The following CLYBL variants were observed in gnomAD, a reference collection of about 807,000 sequenced individuals.
CLYBL encodes citramalyl-CoA lyase, mitochondrial.
In CLYBL, 31 loss-of-function variants were observed where a neutral mutation model predicts 38.9. The ratio of observed to expected loss-of-function variants is 0.80; its 90% CI spans 0.60 to 1.08. The LOEUF is 1.08. CLYBL is among the 50% of genes least tolerant of loss of function. The probability of loss-of-function intolerance (pLI) is 0.00; values close to 1 mark genes in which losing one functional copy is unlikely to be tolerated. For missense variants in CLYBL, 434 were observed against 411.6 expected (o/e 1.05, Z -0.47); for synonymous variants, 171 against 158.6 (o/e 1.08, Z -0.59).
At chr13:99,746,510 C>T (rs548863747) in intron 1 of CLYBL, among the ~76,000 whole-genome samples, 1 of 152,226 alleles carries the variant, frequency 6.6e-6, no homozygotes, top group African/African-American at 2.4e-5. Flanking sequence ...ATTGTCTTTT[C>T]TGCACCTGTT....
At position 99,869,112 on chromosome 13, in the gene CLYBL, G is replaced by T. The variant is rs150100473; in HGVS notation, c.803-1826G>T. On this transcript the variant is annotated intron_variant, in intron 6 of 8. Coordinates refer to ENST00000339105, the MANE Select transcript of CLYBL (RefSeq NM_206808.5). This position sits in a 1 kb window ranked among gnomAD's most constrained non-coding sequence, Gnocchi z 4.3. Reference sequence around the variant, plus strand: ...ACAGTTGTTGGAATATATAAGATGTGACAAAAGAGAACTTCACATATGAAC... The same window carrying T: ...ACAGTTGTTGGAATATATAAGATGTTACAAAAGAGAACTTCACATATGAAC... Among the ~76,000 whole-genome samples the T allele has an allele frequency of 1.6e-3, 250 of 152,246 alleles. No individual in the cohort carries two copies. The highest frequency in any genetic ancestry group is 5.7e-3 in the African/African-American group (235 of 41,546).
intron 1 of CLYBL, among the ~76,000 whole-genome samples, chr13:99,728,131 C>A (rs191257229): frequency 6.6e-6 from 1 of 152,214 alleles, no homozygotes; most frequent in East Asian, 1.9e-4. Context: ...CATTATATTT[C>A]TTTTCATGAG....
chr13:99,780,375 G>T (rs1434500580), intron 2 of CLYBL, among the ~76,000 whole-genome samples: 1 of 152,026 alleles, frequency 6.6e-6, no homozygotes, highest in East Asian at 1.9e-4. Context: ...CTATATCCAT[G>T]TTGACAATTT....
intron 1 of CLYBL, among the ~76,000 whole-genome samples, chr13:99,612,936 G>A (rs1160125149): frequency 6.6e-6 from 1 of 151,746 alleles, no homozygotes; most frequent in African/African-American, 2.4e-5. Flanking sequence ...GATTCCTTGA[G>A]CCTGGGGATT....
intron 1 of CLYBL, among the ~76,000 whole-genome samples, chr13:99,725,217 C>T (rs1056061941): frequency 2.6e-5 from 4 of 152,162 alleles, no homozygotes; most frequent in Non-Finnish European, 4.4e-5. Context: ...AGGTTGCTGG[C>T]AGAAAACAAA....
intron 2 of CLYBL, among the ~76,000 whole-genome samples, chr13:99,852,410 C>T (rs1307910190): frequency 3.3e-5 from 5 of 152,190 alleles, no homozygotes; most frequent in African/African-American, 1.2e-4. Context: ...GGCTTATGTT[C>T]TAAAATTGAT....
At chr13:99,645,219 G>C (rs1292915289) in intron 1 of CLYBL, among the ~76,000 whole-genome samples, 1 of 152,132 alleles carries the variant, frequency 6.6e-6, no homozygotes, top group Non-Finnish European at 1.5e-5. Context: ...ATTTTAGGCC[G>C]GGTGCAGTGG....
At chr13:99,877,908 A>G (rs1395673782) in intron 7 of CLYBL, among the ~76,000 whole-genome samples, 1 of 152,160 alleles carries the variant, frequency 6.6e-6, no homozygotes, top group Non-Finnish European at 1.5e-5. Context: ...GAATTTTATT[A>G]AAAATACAAA....
intron 1 of CLYBL, among the ~76,000 whole-genome samples, chr13:99,728,303 G>A (rs2048518102): frequency 6.8e-6 from 1 of 146,618 alleles, no homozygotes; most frequent in African/African-American, 2.5e-5. Context: ...TTTTGAGATG[G>A]AGTCTCACTC....
At chr13:99,678,226 C>T (rs1399652471) in intron 1 of CLYBL, among the ~76,000 whole-genome samples, 2 of 152,210 alleles carry the variant, frequency 1.3e-5, no homozygotes, top group African/African-American at 2.4e-5. Context: ...AAGGTCTGCT[C>T]TAACATCTGC....
At chr13:99,696,233 CTTTT>C (rs778242975) in intron 1 of CLYBL, among the ~76,000 whole-genome samples, 2 of 141,480 alleles carry the variant, frequency 1.4e-5, no homozygotes, top group Non-Finnish European at 1.6e-5. Context: ...ATGTCAGAGA[CTTTT>C]TTTTTTTTTT....
intron 2 of CLYBL, among the ~76,000 whole-genome samples, chr13:99,776,785 C>T (rs9557298): frequency 0.16 from 24,088 of 151,834 alleles, 2,388 homozygotes; most frequent in East Asian, 0.38. Flanking sequence ...ATATGCTGGG[C>T]GCTGTAATTT....
At chr13:99,798,724 G>C (rs1172343148) in intron 2 of CLYBL, among the ~76,000 whole-genome samples, 1 of 152,162 alleles carries the variant, frequency 6.6e-6, no homozygotes, top group East Asian at 1.9e-4. Context: ...CCACTGAACA[G>C]TTACGTTTTA....
At chr13:99,636,059 T>C (rs2047013950) in intron 1 of CLYBL, among the ~76,000 whole-genome samples, 1 of 152,238 alleles carries the variant, frequency 6.6e-6, no homozygotes, top group Non-Finnish European at 1.5e-5. Flanking sequence ...GAGTTTGAAT[T>C]TTAACAGAGT....
chr13:99,887,875 G>A (rs1477753789), intron 7 of CLYBL, among the ~76,000 whole-genome samples: 1 of 150,194 alleles, frequency 6.7e-6, no homozygotes, highest in Admixed American at 6.6e-5. Flanking sequence ...TTTTTTTTTA[G>A]GATGGAGTCT....
intron 2 of CLYBL, among the ~76,000 whole-genome samples, chr13:99,788,770 G>A (rs2049853991): frequency 6.6e-6 from 1 of 152,222 alleles, no homozygotes; most frequent in Admixed American, 6.5e-5. Context: ...AGCTTCAGAA[G>A]GAATGGTACC....
intron 1 of CLYBL, among the ~76,000 whole-genome samples, chr13:99,672,733 A>G (rs2793784): frequency 0.9 from 137,314 of 152,150 alleles, 61,997 homozygotes; most frequent in African/African-American, 0.92. Flanking sequence ...TTGTACCACC[A>G]CACTCCAGCC....
chr13:99,897,774 C>T (rs1157949098), downstream of CLYBL, among the ~76,000 whole-genome samples: 8 of 151,986 alleles, frequency 5.3e-5, no homozygotes, highest in Non-Finnish European at 1.0e-4. Context: ...GGTGAAACCC[C>T]GTCTCTACTA....
intron 1 of CLYBL, among the ~76,000 whole-genome samples, chr13:99,715,596 G>A (rs550993603): frequency 2.6e-5 from 4 of 151,856 alleles, no homozygotes; most frequent in African/African-American, 7.2e-5. Context: ...TAGAGCTCAA[G>A]GAATCCACCC....
Sources: allele counts gnomAD v4.1 joint callset (sites outside exome capture counted in the v4.1 genomes callset), GRCh38; gene constraint gnomAD v4.1.1; non-coding constraint Gnocchi (gnomAD v3.1); transcripts MANE v1.5; gene names NCBI Gene and HGNC (gene_info 2026-07-23, HGNC 2026-07-21).